The following BOLL variants were observed in gnomAD, a reference collection of about 807,000 sequenced individuals.
BOLL encodes protein boule-like.
In BOLL, 23 loss-of-function variants were observed where a neutral mutation model predicts 44.4. That is an observed-to-expected ratio of 0.52 (90% confidence interval 0.37 to 0.73). The LOEUF (loss-of-function observed/expected upper bound fraction) is 0.73. Among genes scored for constraint, BOLL ranks in the 30% least tolerant of loss-of-function variants. The pLI, the probability that BOLL is intolerant of heterozygous loss-of-function variation, is 0.00. For synonymous variants in BOLL, 97 were observed against 110.8 expected, an observed-to-expected ratio of 0.88 and a Z score of 0.78; for missense variants, 287 against 338.3, an observed-to-expected ratio of 0.85 and a Z score of 1.19.
Position 197,777,071 on chromosome 2 carries a change from T to G in BOLL, c.264A>C (p.Lys88Asn). ...VTFETQEDAQ[K>N]ILQEAEKLNY... The stretch of plus-strand genomic sequence containing the variant: ...CAAAAGATCATACCTCTTGTAAAAT[T>G]TTTTGTGCATCTTCTTGTGTTTCAA... The change falls in exon 4 of 11, where the codon AAA (lysine) becomes AAC (asparagine). Residue 88 changes from lysine (K) to asparagine (N), a missense_variant. By Grantham distance (94) the Lys-to-Asn change is moderately conservative (BLOSUM62 0). Transcript: ENST00000392296. The G allele has an allele frequency of 6.3e-7, 1 of 1,575,324 alleles. No individual in the cohort carries two copies. Among genetic ancestry groups the G allele is most frequent in the East Asian group, 2.3e-5 (1 of 44,044 alleles).
intron 1 of BOLL, among the ~76,000 whole-genome samples, chr2:197,783,006 G>GA (rs879714173): frequency 1.9e-4 from 29 of 151,244 alleles, no homozygotes; most frequent in African/African-American, 4.9e-4. Flanking sequence ...AGGTATAACT[G>GA]AAAAAAAACC....
At chr2:197,750,194 T>A (rs574723670) in intron 9 of BOLL, among the ~76,000 whole-genome samples, 9 of 152,140 alleles carry the variant, frequency 5.9e-5, no homozygotes, top group African/African-American at 2.2e-4. Flanking sequence ...TGCAAAAACA[T>A]ACCAAAATGT....
At chr2:197,772,120 T>TA in intron 5 of BOLL, 138 bp from the exon 6 acceptor site, 1 of 680,396 alleles carries the variant, frequency 1.5e-6, no homozygotes, top group Non-Finnish European at 2.1e-6. Flanking sequence ...CAGATATTTT[T>TA]AAAAAATTCC....
At chr2:197,774,069 A>G in intron 5 of BOLL, 1 of 455,456 alleles carries the variant, frequency 2.2e-6, no homozygotes, top group South Asian at 1.6e-5. Context: ...GGCTAGTGCT[A>G]CCACTCACCA....
At chr2:197,775,786 A>G in intron 4 of BOLL, 46 bp from the exon 5 acceptor site, 1 of 1,170,800 alleles carries the variant, frequency 8.5e-7, no homozygotes, top group Non-Finnish European at 1.2e-6. Context: ...TAGCACTATT[A>G]TTTATAAAAT....
intron 4 of BOLL, among the ~76,000 whole-genome samples, 173 bp from the exon 5 acceptor site, chr2:197,775,913 C>T (rs1009933509): frequency 2.0e-5 from 3 of 151,872 alleles, no homozygotes; most frequent in African/African-American, 7.2e-5. Context: ...CTGGGTCTGA[C>T]CGCAATTCCC....
At chr2:197,736,686 A>G (rs1248912115) in intron 10 of BOLL, among the ~76,000 whole-genome samples, 1 of 152,118 alleles carries the variant, frequency 6.6e-6, no homozygotes, top group Non-Finnish European at 1.5e-5. Flanking sequence ...AACTGCCAGG[A>G]TATCTATGCA....
At chr2:197,785,816 G>T (rs896543638), upstream of BOLL, among the ~76,000 whole-genome samples, 1 of 152,116 alleles carries the variant, frequency 6.6e-6, no homozygotes, top group Non-Finnish European at 1.5e-5. The surrounding 1 kb of genome is among the most constrained non-coding windows in gnomAD (Gnocchi z 6.7). Context: ...GTCTGCGGGC[G>T]GGTGGCTCCT....
chr2:197,735,718 TATTTG>T (rs1687453890), intron 10 of BOLL, among the ~76,000 whole-genome samples: 1 of 152,168 alleles, frequency 6.6e-6, no homozygotes, highest in Admixed American at 6.6e-5. Flanking sequence ...AAAGGACAGA[TATTTG>T]AGAGAAAAAG....
In BOLL at chr2:197,728,325, A is replaced by T. The variant is rs1686941985; in HGVS notation, c.*230T>A. ...GGTCATTACAGTTAGGTTAGCACAT[A>T]AAAAACCAACATGCCACATCTACCT... On this transcript the variant is annotated 3_prime_UTR_variant, in exon 11 of 11. Coordinates refer to ENST00000392296, the MANE Select transcript of BOLL (RefSeq NM_033030.6). 1.6e-6 allele frequency: 1 copy of T among 621,028 alleles called. No individual in the cohort carries two copies. Among genetic ancestry groups the T allele is most frequent in the Admixed American group, 3.3e-5 (1 of 30,494 alleles). 38.5% of individuals were successfully genotyped at this position (621,028 alleles called of 1,614,324 possible).
Position 197,727,369 on chromosome 2 carries a change from C to T in BOLL, c.*1186G>A, listed in dbSNP as rs983411259. The T allele has an allele frequency of 1.3e-5, 2 of 152,308 alleles. No individual in the cohort carries two copies. Among genetic ancestry groups the T allele is most frequent in the Non-Finnish European group, 2.9e-5 (2 of 68,034 alleles). The allele number at this position is 152,308 out of a possible 1,614,324, so 9.4% of individuals were successfully genotyped here. On this transcript the variant is annotated 3_prime_UTR_variant, in exon 11 of 11. Transcript: ENST00000392296. ...CAACTTTTATGGCTCCCCCTGCCCCCTCCACCTAAAATTAGGAGGTCAGTG... is the reference window on the plus strand; with the variant it reads ...CAACTTTTATGGCTCCCCCTGCCCCTTCCACCTAAAATTAGGAGGTCAGTG...
At chr2:197,758,962 G>A (rs1177900759) in intron 7 of BOLL, 4 of 1,535,796 alleles carry the variant, frequency 2.6e-6, no homozygotes, top group Middle Eastern at 1.7e-4. Context: ...TTGGTAAAAG[G>A]AAGCAAAGAG....
Position 197,777,226 on chromosome 2 carries a change from G to C in BOLL, c.222-113C>G, listed in dbSNP as rs1689555997. 2.6e-5 allele frequency: 15 copies of C among 575,956 alleles called. No homozygotes were observed. In the South Asian group the frequency reaches 5.3e-4, roughly 20 times the overall value. The allele number at this position is 575,956 out of a possible 1,614,324, so 35.7% of individuals were successfully genotyped here. On this transcript the variant is annotated intron_variant, in intron 3 of 10. Coordinates refer to ENST00000392296, the MANE Select transcript of BOLL (RefSeq NM_033030.6). ...AAATCATCGGCCACTGTAGGAGTAG[G>C]CATGTTTCTATGCTGCACTAGCATG... is the stretch of plus-strand genomic sequence containing the variant.
intron 9 of BOLL, among the ~76,000 whole-genome samples, chr2:197,753,940 G>T (rs1688382781): frequency 6.6e-6 from 1 of 152,276 alleles, no homozygotes; most frequent in Admixed American, 6.5e-5. Flanking sequence ...TACACACCAT[G>T]GAATACTATG....
At chr2:197,773,561 C>A (rs1558994402) in intron 5 of BOLL, among the ~76,000 whole-genome samples, 1 of 151,828 alleles carries the variant, frequency 6.6e-6, no homozygotes, top group Admixed American at 6.6e-5. Flanking sequence ...AAATTTCTCT[C>A]TATATACATA....
Position 197,781,719 on chromosome 2 carries a change from T to G in BOLL, c.129+3A>C. 1 of 1,538,666 alleles carries G rather than the reference T, an allele frequency of 6.5e-7. No homozygotes were observed. The highest frequency in any genetic ancestry group is 8.8e-7 in the Non-Finnish European group (1 of 1,130,978). ...ACACTTTACTGCATGCATAAATAGG[T>G]ACCTTAAAATCAATTCCTCCTACAA... is the stretch of plus-strand genomic sequence containing the variant. On this transcript the variant is annotated splice_donor_region_variant and intron_variant, in intron 2 of 10. Transcript: ENST00000392296.
intron 9 of BOLL, among the ~76,000 whole-genome samples, chr2:197,747,611 G>C (rs961351627): frequency 6.7e-6 from 1 of 148,654 alleles, no homozygotes; most frequent in African/African-American, 2.5e-5. Flanking sequence ...AAAAAAGGTG[G>C]GGCATGAAAC....
At chr2:197,772,120 T>A (rs576198713) in intron 5 of BOLL, 138 bp from the exon 6 acceptor site, 31 of 680,396 alleles carry the variant, frequency 4.6e-5, no homozygotes, top group African/African-American at 2.5e-4. Flanking sequence ...CAGATATTTT[T>A]AAAAAATTCC....
chr2:197,745,625 C>T (rs2106330484), intron 9 of BOLL, among the ~76,000 whole-genome samples: 1 of 152,160 alleles, frequency 6.6e-6, no homozygotes, highest in Admixed American at 6.5e-5. Context: ...CCTGGCAAAC[C>T]AGAAAACAAC....
Sources: gnomAD v4.1 joint callset for allele counts (sites outside exome capture counted in the v4.1 genomes callset) on GRCh38, gnomAD v4.1.1 for gene constraint, Gnocchi (gnomAD v3.1) non-coding constraint, MANE v1.5 for transcripts, NCBI Gene and HGNC (gene_info 2026-07-23, HGNC 2026-07-21) for gene names.